HERC3: variants seen among roughly 807,000 people sequenced by gnomAD.
The protein encoded by HERC3 is HECT and RLD domain containing E3 ubiquitin protein ligase 3.
Under a neutral mutation model 129.9 loss-of-function variants are expected in HERC3, and 58 were observed. The observed-to-expected ratio is 0.45, with a 90% CI of 0.36 to 0.56. The LOEUF (loss-of-function observed/expected upper bound fraction) is 0.56, where lower values mean the gene tolerates loss of function less well. HERC3 is among the 20% of genes least tolerant of loss of function. The pLI, the probability that HERC3 is intolerant of heterozygous loss-of-function variation, is 0.00. For synonymous variants in HERC3, 430 were observed against 451.0 expected (o/e 0.95, Z 0.59); for missense variants, 835 against 1,244.2 (o/e 0.67, Z 4.95).
intron 3 of HERC3, among the ~76,000 whole-genome samples, chr4:88,614,026 C>T (rs1465877179): frequency 6.6e-6 from 1 of 152,028 alleles, no homozygotes; most frequent in Non-Finnish European, 1.5e-5. Flanking sequence ...AAAATGTGTA[C>T]TTATTAATGA....
intron 12 of HERC3, among the ~76,000 whole-genome samples, chr4:88,664,963 A>T (rs976222626): frequency 5.9e-5 from 9 of 152,138 alleles, no homozygotes; most frequent in African/African-American, 1.9e-4. Context: ...GAGTCTTGTC[A>T]TGGGTTTGGA....
chr4:88,566,956 A>AT, the HERC3 span, among the ~76,000 whole-genome samples: 1 of 151,912 alleles, frequency 6.6e-6, no homozygotes, highest in African/African-American at 2.4e-5. Flanking sequence ...CATCTGGCTA[A>AT]TTTTTGTTTT....
chr4:88,643,124 A>T (rs906020165), intron 3 of HERC3, among the ~76,000 whole-genome samples: 1 of 152,240 alleles, frequency 6.6e-6, no homozygotes, highest in Admixed American at 6.5e-5. Flanking sequence ...TGGAATAAAA[A>T]ATACAATTTA....
At chr4:88,702,948 C>G (rs746411005) in intron 23 of HERC3, among the ~76,000 whole-genome samples, 2 of 152,136 alleles carry the variant, frequency 1.3e-5, no homozygotes, top group African/African-American at 2.4e-5. Context: ...GCAACCTGCC[C>G]GGGAAACCAA....
chr4:88,674,639 C>G (rs764473656), intron 16 of HERC3, among the ~76,000 whole-genome samples: 2 of 152,144 alleles, frequency 1.3e-5, no homozygotes, highest in African/African-American at 4.8e-5. Context: ...GGTACCTAGA[C>G]TAGAAGATGA....
chr4:88,566,067 A>C, the HERC3 span, among the ~76,000 whole-genome samples: 1 of 151,864 alleles, frequency 6.6e-6, no homozygotes, highest in Non-Finnish European at 1.5e-5. Flanking sequence ...AGATTATTTC[A>C]TCACCCATGT....
Position 88,706,846 on chromosome 4 carries a change from G to T in HERC3, c.3039G>T (p.Pro1013=), listed in dbSNP as rs147857680. The T allele has an allele frequency of 6.2e-7, 1 of 1,614,110 alleles. No individual in the cohort carries two copies. The highest frequency in any genetic ancestry group is 8.5e-7 in the Non-Finnish European group (1 of 1,180,006). The change falls in exon 26 of 26, where the codon CCG becomes CCT. Residue 1013 remains proline (P), a synonymous_variant. Transcript: ENST00000402738. ...CAGCCAGCGGGGAGGAGTACTTGCC[G>T]GTGGCCCACACTTGCTACAACCTTC... ...QSTASGEEYL[P]VAHTCYNLLD... is the part of the protein sequence containing the mutation.
intron 16 of HERC3, among the ~76,000 whole-genome samples, chr4:88,672,099 G>A (rs1354647263): frequency 1.3e-5 from 2 of 152,114 alleles, no homozygotes; most frequent in African/African-American, 2.4e-5. Flanking sequence ...TTCATTAGTA[G>A]CAGTAAAAGT....
chr4:88,567,605 A>G, the HERC3 span, among the ~76,000 whole-genome samples: 1 of 152,108 alleles, frequency 6.6e-6, no homozygotes, highest in Admixed American at 6.5e-5. Context: ...TGTCAATTGA[A>G]TTTCTCGGCT....
chr4:88,664,242 C>T, intron 12 of HERC3, 30 bp downstream of exon 12: 1 of 1,556,264 alleles, frequency 6.4e-7, no homozygotes. Flanking sequence ...AAAAAACCCT[C>T]ACGTGTACCT....
At chr4:88,576,961 A>G in the HERC3 span, among the ~76,000 whole-genome samples, 57 of 152,082 alleles carry the variant, frequency 3.7e-4, no homozygotes, top group Non-Finnish European at 6.2e-4. Flanking sequence ...ATTTTGCTAT[A>G]TGGTGTAAGG....
At chr4:88,554,699 G>A in the HERC3 span, among the ~76,000 whole-genome samples, 1 of 151,970 alleles carries the variant, frequency 6.6e-6, no homozygotes, top group Non-Finnish European at 1.5e-5. Context: ...GATATGAAGA[G>A]GTAAATATGA....
At chr4:88,526,830 G>A in the HERC3 span, among the ~76,000 whole-genome samples, 2 of 152,038 alleles carry the variant, frequency 1.3e-5, no homozygotes, top group Non-Finnish European at 2.9e-5. Context: ...ACTGTGCCCA[G>A]CCCAACATTT....
chr4:88,692,308 A>G (rs1223159779), intron 23 of HERC3, among the ~76,000 whole-genome samples: 1 of 127,686 alleles, frequency 7.8e-6, no homozygotes, highest in Non-Finnish European at 1.6e-5. Flanking sequence ...CTGTCTTCCC[A>G]TTTTCCCCAT....
intron 23 of HERC3, chr4:88,697,671 C>A: frequency 6.2e-7 from 1 of 1,613,160 alleles, no homozygotes; most frequent in African/African-American, 1.3e-5. Flanking sequence ...CACCGCCTTC[C>A]GCCATTACCT....
At chr4:88,562,600 C>A in the HERC3 span, among the ~76,000 whole-genome samples, 4 of 152,130 alleles carry the variant, frequency 2.6e-5, no homozygotes, top group Non-Finnish European at 5.9e-5. Context: ...GGAGAGTTTT[C>A]CCAATATTTT....
intron 2 of HERC3, among the ~76,000 whole-genome samples, chr4:88,605,285 T>C (rs1237257471): frequency 1.3e-5 from 2 of 152,184 alleles, no homozygotes; most frequent in Non-Finnish European, 2.9e-5. Context: ...ATTTTTTTTT[T>C]CTATTTCTCA....
At chr4:88,692,361 G>A (rs1336535241) in intron 23 of HERC3, among the ~76,000 whole-genome samples, 1 of 151,802 alleles carries the variant, frequency 6.6e-6, no homozygotes, top group Non-Finnish European at 1.5e-5. Context: ...GCTGGGGGGT[G>A]GGGCAGTGGG....
Position 88,690,614 on chromosome 4 carries a change from ACCTAGTG to A in HERC3, c.2657+3317_2657+3323del, listed in dbSNP as rs1366940304. ...GATACAGTGGCTGGGGAAATGAATG[ACCTAGTG>A]CAGGAATAGGCAATTGGCAATGTAG... is the stretch of plus-strand genomic sequence containing the variant. On this transcript the variant is annotated intron_variant, in intron 23 of 25. Transcript: ENST00000402738. 3.0e-6 allele frequency: 3 copies of A among 985,210 alleles called. No homozygotes were observed. In the African/African-American group the frequency reaches 5.2e-5, roughly 17 times the overall value. The allele number at this position is 985,210 out of a possible 1,614,324, so 61.0% of individuals were successfully genotyped here. A position where few individuals can be genotyped will look rare whatever the true frequency, so the allele number is the denominator to read the frequency against.
Sources: gnomAD v4.1 joint callset for allele counts (sites outside exome capture counted in the v4.1 genomes callset) on GRCh38, gnomAD v4.1.1 for gene constraint, MANE v1.5 for transcripts, NCBI Gene and HGNC (gene_info 2026-07-23, HGNC 2026-07-21) for gene names.